The following EBF3 variants were observed in gnomAD, a reference collection of about 807,000 sequenced individuals.
EBF3 encodes the protein transcription factor COE3.
A neutral mutation model predicts 77.1 loss-of-function variants in EBF3; 18 were observed. The observed-to-expected ratio is 0.23, with a 90% CI of 0.16 to 0.35. The LOEUF (loss-of-function observed/expected upper bound fraction) is 0.35. EBF3 is among the 10% of genes least tolerant of loss of function. The pLI is 1.00. For missense variants in EBF3, 558 were observed against 860.0 expected (o/e 0.65, Z 4.39); for synonymous variants, 350 against 343.5 (o/e 1.02, Z -0.21).
In EBF3 at chr10:129,870,920, T is replaced by C. The variant is rs558063243; in HGVS notation, c.781+2532A>G. Reference sequence around the variant, plus strand: ...TTGTCACCTTCCTCTGCATTCACAATATTGAGGCACTCAAACAGGCCTAAT... The same window carrying C: ...TTGTCACCTTCCTCTGCATTCACAACATTGAGGCACTCAAACAGGCCTAAT... On this transcript the variant is annotated intron_variant, in intron 8 of 16. Coordinates refer to ENST00000440978, the MANE Select transcript of EBF3 (RefSeq NM_001375380.1). The surrounding 1 kb of genome is among the most constrained non-coding windows in gnomAD (Gnocchi z 4.4). Among the ~76,000 whole-genome samples, 47 of 152,322 alleles carry C rather than the reference T, an allele frequency of 3.1e-4. No individual in the cohort carries two copies. Among genetic ancestry groups the C allele is most frequent in the African/African-American group, 1.1e-3 (47 of 41,574 alleles).
intron 8 of EBF3, among the ~76,000 whole-genome samples, chr10:129,871,414 G>C (rs1198440969): frequency 6.6e-6 from 1 of 152,214 alleles, no homozygotes; most frequent in African/African-American, 2.4e-5. Context: ...CGTTTACTTG[G>C]AAACCATCAG....
chr10:129,964,223 C>T lies in EBF3; in HGVS notation c.-455G>A, dbSNP rs1859758255. On this transcript the variant is annotated 5_prime_UTR_variant, in exon 1 of 17. Coordinates refer to ENST00000440978, the MANE Select transcript of EBF3 (RefSeq NM_001375380.1). The surrounding 1 kb of genome is among the most constrained non-coding windows in gnomAD (Gnocchi z 4.5). ...CGGGGCGCGGCGGGGCCTGGAGCGGCGCGCGCAGCGGACGGAGGCGCACAA... is the reference window on the plus strand; with the variant it reads ...CGGGGCGCGGCGGGGCCTGGAGCGGTGCGCGCAGCGGACGGAGGCGCACAA... 3 of 984,786 alleles carry T rather than the reference C, an allele frequency of 3.0e-6. No homozygotes were observed. In the South Asian group the frequency reaches 1.4e-4, roughly 46 times the overall value. 61.0% of individuals were successfully genotyped at this position (984,786 alleles called of 1,614,324 possible).
At chr10:129,881,150 T>C (rs1235261711) in intron 6 of EBF3, among the ~76,000 whole-genome samples, 1 of 152,232 alleles carries the variant, frequency 6.6e-6, no homozygotes, top group African/African-American at 2.4e-5. Context: ...ATCTTTCCTA[T>C]GTCAGAAAAT....
At position 129,873,497 on chromosome 10, in the gene EBF3, G is replaced by A. The variant is rs1440026193; in HGVS notation, c.736C>T (p.Arg246Cys). Residue 246 changes from arginine (R) to cysteine (C), a missense_variant, in exon 8 of 17, where the codon CGC becomes TGC. Transcript: ENST00000440978. Reference protein sequence around the residue: ...NNSKHGRRARRLDPSEGTAPS... With the variant: ...NNSKHGRRARCLDPSEGTAPS... ...GCCGTACCTTCTGACGGGTCTAGGC[G>A]GCGGGCCCGCCTCCCGTGTTTGGAA... The A allele has an allele frequency of 2.5e-6, 4 of 1,592,574 alleles. No individual in the cohort carries two copies. Among genetic ancestry groups the A allele is most frequent in the Non-Finnish European group, 3.4e-6 (4 of 1,166,986 alleles).
rs1857994327 is a variant in EBF3 at position 129,944,021 on chromosome 10, T to G, written c.554+13237A>C. 6.6e-6 allele frequency among the ~76,000 whole-genome samples: 1 copy of G among 152,234 alleles called. No homozygotes were observed. Among genetic ancestry groups the G allele is most frequent in the Admixed American group, 6.5e-5 (1 of 15,286 alleles). On this transcript the variant is annotated intron_variant, in intron 6 of 16. Transcript: ENST00000440978. This position sits in a 1 kb window ranked among gnomAD's most constrained non-coding sequence, Gnocchi z 5.1. ...TTTCTGAGTTGATTAACATTTCATCTCTAGTGTTATGTTATTATCGCCTTT... is the reference window on the plus strand; with the variant it reads ...TTTCTGAGTTGATTAACATTTCATCGCTAGTGTTATGTTATTATCGCCTTT...
At chr10:129,838,986 G>T in intron 16 of EBF3, 97 bp downstream of exon 16, 1 of 1,168,452 alleles carries the variant, frequency 8.6e-7, no homozygotes, top group Non-Finnish European at 1.1e-6. Flanking sequence ...GGTGCCCGCT[G>T]ATGGCACGCA....
In EBF3 at chr10:129,935,987, GC is replaced by G. The variant is rs1010880790; in HGVS notation, c.554+21270del. On this transcript the variant is annotated intron_variant, in intron 6 of 16. Coordinates refer to ENST00000440978, the MANE Select transcript of EBF3 (RefSeq NM_001375380.1). The surrounding 1 kb of genome is among the most constrained non-coding windows in gnomAD (Gnocchi z 4.2). ...GGGGCTTCCTGAAGCTGCCCCCCCC[GC>G]CCAACAATGCAGCTGGTGCCCAGGG... Among the ~76,000 whole-genome samples, 22 of 136,814 alleles carry G rather than the reference GC, an allele frequency of 1.6e-4. No homozygotes were observed. The highest frequency in any genetic ancestry group is 6.1e-4 in the African/African-American group (18 of 29,464). 89.8% of individuals were successfully genotyped at this position (136,814 alleles called of 152,430 possible).
At chr10:129,950,289 G>A (rs1370411582) in intron 6 of EBF3, among the ~76,000 whole-genome samples, 2 of 152,220 alleles carry the variant, frequency 1.3e-5, no homozygotes, top group East Asian at 3.9e-4. Context: ...CGTTTGCAGA[G>A]GATGCGCCCC....
chr10:129,946,152 C>T (rs1247330217), intron 6 of EBF3, among the ~76,000 whole-genome samples: 6 of 152,256 alleles, frequency 3.9e-5, no homozygotes, highest in South Asian at 2.1e-4. Context: ...CACATGCCCG[C>T]GGATTCCCTG....
chr10:129,945,116 GA>G (rs2134521390), intron 6 of EBF3, among the ~76,000 whole-genome samples: 3 of 63,256 alleles, frequency 4.7e-5, no homozygotes, highest in Non-Finnish European at 6.6e-5. Context: ...GAAGGGGGGG[GA>G]GGTGAAGGGA....
chr10:129,914,200 C>T (rs941758633), intron 6 of EBF3, among the ~76,000 whole-genome samples: 1 of 152,204 alleles, frequency 6.6e-6, no homozygotes, highest in Non-Finnish European at 1.5e-5. Context: ...ACCCACCTCC[C>T]TCCAGCCCTG....
At position 129,835,940 on chromosome 10, in the gene EBF3, G is replaced by A. The variant is rs1423110638; in HGVS notation, c.*2003C>T. The A allele has an allele frequency of 6.6e-6, 1 of 152,170 alleles. No homozygotes were observed. The highest frequency in any genetic ancestry group is 1.5e-5 in the Non-Finnish European group (1 of 67,982). 9.4% of individuals were successfully genotyped at this position (152,170 alleles called of 1,614,324 possible). On this transcript the variant is annotated 3_prime_UTR_variant, in exon 17 of 17. Transcript: ENST00000440978. ...GAAGGAGGTCATTCCAGTTTTAAAAGTACGGACAGTGCTGTTGGAACTGAC... is the reference window on the plus strand; with the variant it reads ...GAAGGAGGTCATTCCAGTTTTAAAAATACGGACAGTGCTGTTGGAACTGAC...
In EBF3 at chr10:129,944,168, C is replaced by T. The variant is rs550536074; in HGVS notation, c.554+13090G>A. On this transcript the variant is annotated intron_variant, in intron 6 of 16. Coordinates refer to ENST00000440978, the MANE Select transcript of EBF3 (RefSeq NM_001375380.1). This position sits in a 1 kb window ranked among gnomAD's most constrained non-coding sequence, Gnocchi z 5.1. ...TATTAAAGATATTTATCTTATACAA[C>T]AAGAATAAAATCAATTTGCAAGGCC... Among the ~76,000 whole-genome samples the T allele has an allele frequency of 6.6e-6, 1 of 152,058 alleles. No homozygotes were observed. Among genetic ancestry groups the T allele is most frequent in the African/African-American group, 2.4e-5 (1 of 41,390 alleles).
At chr10:129,840,698 C>G in intron 14 of EBF3, 146 bp downstream of exon 14, 1 of 1,227,664 alleles carries the variant, frequency 8.1e-7, no homozygotes, top group Non-Finnish European at 1.1e-6. Context: ...GGTCAATTTA[C>G]GGTCGCCATT....
At chr10:129,874,327 A>G (rs1852607954) in intron 7 of EBF3, among the ~76,000 whole-genome samples, 1 of 152,126 alleles carries the variant, frequency 6.6e-6, no homozygotes, top group African/African-American at 2.4e-5. Context: ...TGTCGAGGGG[A>G]GAGATCACAG....
At chr10:129,945,107 A>AGG (rs1246212822) in intron 6 of EBF3, among the ~76,000 whole-genome samples, 1 of 5,392 alleles carries the variant, frequency 1.9e-4, no homozygotes, top group African/African-American at 6.1e-4. Flanking sequence ...AGGGGAGGGG[A>AGG]AGGGGGGGGA....
rs903772951 is a variant in EBF3, at chr10:129,935,230, A to T, written c.554+22028T>A. On this transcript the variant is annotated intron_variant, in intron 6 of 16. Transcript: ENST00000440978. This position sits in a 1 kb window ranked among gnomAD's most constrained non-coding sequence, Gnocchi z 4.2. Reference sequence around the variant, plus strand: ...GGAGATTCTTGAAGGTCCCACTCGCACCTGTCACAGCAGCCACTGTGGCCC... The same window carrying T: ...GGAGATTCTTGAAGGTCCCACTCGCTCCTGTCACAGCAGCCACTGTGGCCC... 2.0e-5 allele frequency among the ~76,000 whole-genome samples: 3 copies of T among 152,042 alleles called. No individual in the cohort carries two copies. The highest frequency in any genetic ancestry group is 7.2e-5 in the African/African-American group (3 of 41,392).
At chr10:129,886,105 C>A (rs1023278698) in intron 6 of EBF3, among the ~76,000 whole-genome samples, 1 of 144,874 alleles carries the variant, frequency 6.9e-6, no homozygotes, top group African/African-American at 2.5e-5. Flanking sequence ...ATCCTTTCCT[C>A]CTCGGATGTA....
At chr10:129,930,579 A>G (rs1008792116) in intron 6 of EBF3, among the ~76,000 whole-genome samples, 1 of 143,842 alleles carries the variant, frequency 7.0e-6, no homozygotes, top group African/African-American at 2.6e-5. Context: ...ATCTATCTCT[A>G]TATTAACAAA....
Sources: gnomAD v4.1 joint callset for allele counts (sites outside exome capture counted in the v4.1 genomes callset) on GRCh38, gnomAD v4.1.1 for gene constraint, Gnocchi (gnomAD v3.1) non-coding constraint, MANE v1.5 for transcripts, NCBI Gene and HGNC (gene_info 2026-07-23, HGNC 2026-07-21) for gene names.